The following ART3 variants were observed in gnomAD, a reference collection of about 807,000 sequenced individuals.
The protein encoded by ART3 is ADP-ribosyltransferase 3 (inactive), also known as ecto-ADP-ribosyltransferase 3.
In ART3, 49 loss-of-function variants were observed where a neutral mutation model predicts 48.5. The observed-to-expected ratio is 1.01, with a 90% CI of 0.80 to 1.28. The LOEUF is 1.28. Among genes scored for constraint, ART3 ranks in the 50% most tolerant of loss-of-function variants. The pLI is 0.00. For missense variants in ART3, 438 were observed against 454.3 expected, an observed-to-expected ratio of 0.96 and a Z score of 0.33; for synonymous variants, 145 against 157.2, an observed-to-expected ratio of 0.92 and a Z score of 0.58.
chr4:76,024,745 G>A (rs1323887885), intron 1 of ART3, among the ~76,000 whole-genome samples: 1 of 152,184 alleles, frequency 6.6e-6, no homozygotes, highest in African/African-American at 2.4e-5. Context: ...TAGAACCTAG[G>A]AAAATATATG....
rs13435535 is a variant in ART3, at chr4:76,053,892, G to A, written c.-9-21989G>A. ...AAATCATGTTTCTCACAACAAAGCAGCTCTGTGCATGGCCTTTAGTTGGCT... is the reference window on the plus strand; with the variant it reads ...AAATCATGTTTCTCACAACAAAGCAACTCTGTGCATGGCCTTTAGTTGGCT... On this transcript the variant is annotated intron_variant, in intron 1 of 9. Transcript: ENST00000341029. 1.8e-3 allele frequency among the ~76,000 whole-genome samples: 277 copies of A among 152,320 alleles called. 3 individuals are homozygous for A. Among genetic ancestry groups the A allele is most frequent in the African/African-American group, 6.3e-3 (263 of 41,566 alleles).
At chr4:76,102,399 C>T (rs1186140973) in intron 8 of ART3, among the ~76,000 whole-genome samples, 3 of 152,156 alleles carry the variant, frequency 2.0e-5, no homozygotes, top group Non-Finnish European at 2.9e-5. Flanking sequence ...GACTCCATTT[C>T]GATTTTTAGT....
At chr4:76,104,773 A>G in intron 10 of ART3, 144 bp downstream of exon 10, 3 of 1,072,058 alleles carry the variant, frequency 2.8e-6, no homozygotes, top group Non-Finnish European at 4.0e-6. Context: ...TGACAGGAAT[A>G]TTTGTAAGGA....
At chr4:76,054,313 A>T (rs968519182) in intron 1 of ART3, among the ~76,000 whole-genome samples, 3 of 152,224 alleles carry the variant, frequency 2.0e-5, no homozygotes, top group African/African-American at 7.2e-5. Flanking sequence ...TTTTTAAAAA[A>T]TAGAATATAG....
intron 1 of ART3, among the ~76,000 whole-genome samples, chr4:76,038,970 G>A (rs1037469680): frequency 2.6e-5 from 4 of 152,084 alleles, no homozygotes; most frequent in South Asian, 4.2e-4. Flanking sequence ...TGATCCTGCC[G>A]CCTTGGCCTC....
At chr4:76,053,881 A>T (rs1736368318) in intron 1 of ART3, among the ~76,000 whole-genome samples, 1 of 152,250 alleles carries the variant, frequency 6.6e-6, no homozygotes, top group Non-Finnish European at 1.5e-5. Context: ...CATGTTTCTC[A>T]CAACAAAGCA....
intron 1 of ART3, among the ~76,000 whole-genome samples, chr4:76,063,348 C>T (rs2149485055): frequency 6.6e-6 from 1 of 152,192 alleles, no homozygotes; most frequent in East Asian, 1.9e-4. Flanking sequence ...ATACTAGATT[C>T]AAGACATAAT....
chr4:76,017,890 C>T (rs543183361), intron 1 of ART3, among the ~76,000 whole-genome samples: 2 of 152,382 alleles, frequency 1.3e-5, no homozygotes, highest in African/African-American at 4.8e-5. Context: ...CCCAAGCACA[C>T]AGATTATCTT....
At chr4:76,076,716 A>G (rs1299512989) in intron 2 of ART3, among the ~76,000 whole-genome samples, 1 of 152,172 alleles carries the variant, frequency 6.6e-6, no homozygotes, top group Non-Finnish European at 1.5e-5. Flanking sequence ...GTTTGATTAC[A>G]TGTTTTTTAA....
chr4:76,068,414 G>C (rs1255592620), intron 1 of ART3, among the ~76,000 whole-genome samples: 15 of 152,032 alleles, frequency 9.9e-5, no homozygotes, highest in Admixed American at 8.5e-4. Context: ...AAGAAAATGT[G>C]GTACATATAT....
chr4:76,105,374 T>G, intron 10 of ART3: 1 of 740,668 alleles, frequency 1.4e-6, no homozygotes, highest in South Asian at 2.4e-5. Context: ...CGCCCCTGCT[T>G]TCACATCTGT....
At chr4:76,076,433 T>C (rs1373049344) in intron 2 of ART3, among the ~76,000 whole-genome samples, 1 of 152,198 alleles carries the variant, frequency 6.6e-6, no homozygotes, top group East Asian at 1.9e-4. Flanking sequence ...ACAGATTAAC[T>C]GTAAAAAGTT....
At chr4:76,034,821 A>C in intron 1 of ART3, 1 of 1,555,260 alleles carries the variant, frequency 6.4e-7, no homozygotes, top group South Asian at 1.1e-5. Context: ...AACTTTCTGG[A>C]ATAAGAAAAC....
intron 1 of ART3, chr4:76,023,619 C>G (rs904019947): frequency 3.9e-6 from 2 of 519,362 alleles, no homozygotes; most frequent in Non-Finnish European, 6.9e-6. Context: ...GGGGAAGTCC[C>G]ATGTTGCAGA....
intron 1 of ART3, among the ~76,000 whole-genome samples, chr4:76,055,243 A>C (rs1335077728): frequency 6.6e-6 from 1 of 152,220 alleles, no homozygotes; most frequent in Non-Finnish European, 1.5e-5. Flanking sequence ...TCTACCTCTC[A>C]CCTTGTATTT....
At chr4:76,023,034 C>T (rs1578211503) in intron 1 of ART3, among the ~76,000 whole-genome samples, 1 of 152,096 alleles carries the variant, frequency 6.6e-6, no homozygotes, top group South Asian at 2.1e-4. Context: ...AAAGTCAAAC[C>T]CTTAAGCACA....
chr4:76,081,719 C>A, intron 2 of ART3, 105 bp from the exon 3 acceptor site: 1 of 1,233,916 alleles, frequency 8.1e-7, no homozygotes, highest in Non-Finnish European at 1.1e-6. Context: ...ATAAGTCAGG[C>A]GAGAATTTTG....
intron 2 of ART3, among the ~76,000 whole-genome samples, chr4:76,079,127 A>G (rs952525796): frequency 1.3e-5 from 2 of 150,326 alleles, no homozygotes; most frequent in African/African-American, 2.5e-5. Flanking sequence ...GCCTGAGATC[A>G]AATTCCAATT....
At chr4:76,104,048 A>T (rs1727924079) in intron 9 of ART3, 79 bp downstream of exon 9, 1 of 1,402,054 alleles carries the variant, frequency 7.1e-7, no homozygotes, top group Non-Finnish European at 1.0e-6. Context: ...GAATACTGTC[A>T]TGAGACTATT....
Sources: allele counts gnomAD v4.1 joint callset (sites outside exome capture counted in the v4.1 genomes callset), GRCh38; gene constraint gnomAD v4.1.1; transcripts MANE v1.5; gene names NCBI Gene and HGNC (gene_info 2026-07-23, HGNC 2026-07-21).